Variants in AK9 observed in about 807,000 individuals in gnomAD.
The protein encoded by AK9 is adenylate kinase 9.
In AK9, 191 loss-of-function variants were observed where a neutral mutation model predicts 239.6. The observed-to-expected ratio is 0.80, with a 90% CI of 0.71 to 0.90. The LOEUF (loss-of-function observed/expected upper bound fraction) is 0.90, where lower values mean the gene tolerates loss of function less well. Among genes scored for constraint, AK9 ranks in the 40% least tolerant of loss-of-function variants. AK9 has a pLI of 0.00. For missense variants in AK9, 1,995 were observed against 2,214.7 expected (o/e 0.90, Z 1.99); for synonymous variants, 689 against 721.0 (o/e 0.96, Z 0.71).
intron 17 of AK9, among the ~76,000 whole-genome samples, chr6:109,605,083 A>C (rs1047845943): frequency 6.6e-6 from 1 of 152,134 alleles, no homozygotes; most frequent in Non-Finnish European, 1.5e-5. Context: ...TATTCTAATA[A>C]TTATTCCTGT....
At position 109,667,977 on chromosome 6, in the gene AK9, C is replaced by A. The variant is rs182449874; in HGVS notation, c.331+3942G>T. Among the ~76,000 whole-genome samples, 430 of 152,326 alleles carry A rather than the reference C, an allele frequency of 2.8e-3. 1 individual carries two copies. Among genetic ancestry groups the A allele is most frequent in the African/African-American group, 9.9e-3 (411 of 41,574 alleles). On this transcript the variant is annotated intron_variant, in intron 5 of 40. Transcript: ENST00000424296. ...GTTCTAGATCCCTGAGGAATCGCCA[C>A]AGTCTTCCACAATGGTTGAACTAGT...
At position 109,493,246 on chromosome 6, in the gene AK9, TGGTACCTTGCTCAG is replaced by T; in HGVS notation, c.*109_*122del. ...GAGTTCACCTGAAGTCTGGCAGCCATGGTACCTTGCTCAGGAGGCAAAAGTACTTCCAAGAGGCC... is the reference window on the plus strand; with the variant it reads ...GAGTTCACCTGAAGTCTGGCAGCCATGAGGCAAAAGTACTTCCAAGAGGCC... On this transcript the variant is annotated 3_prime_UTR_variant, in exon 41 of 41. Transcript: ENST00000424296. 1.0e-6 allele frequency: 1 copy of T among 971,766 alleles called. No homozygotes were observed. The highest frequency in any genetic ancestry group is 1.6e-5 in the South Asian group (1 of 62,180). The allele number at this position is 971,766 out of a possible 1,614,324, so 60.2% of individuals were successfully genotyped here. A position where few individuals can be genotyped will look rare whatever the true frequency, so the allele number is the denominator to read the frequency against.
chr6:109,619,117 GAGA>G lies in AK9; in HGVS notation c.1371_1373del (p.Leu458del), dbSNP rs1420872623. 1.9e-5 allele frequency: 30 copies of G among 1,544,460 alleles called. No individual in the cohort carries two copies. The highest frequency in any genetic ancestry group is 2.5e-5 in the Non-Finnish European group (29 of 1,144,464). ...CTTGTTTTCTAGCTTGCAGTTCCCT[GAGA>G]AGCTTTTCTTTCACAACTTTAATTG... On this transcript the variant is annotated inframe_deletion, in exon 13 of 41. Coordinates refer to ENST00000424296, the MANE Select transcript of AK9 (RefSeq NM_001145128.3).
At chr6:109,520,709 T>C (rs1247476117) in intron 29 of AK9, among the ~76,000 whole-genome samples, 1 of 152,182 alleles carries the variant, frequency 6.6e-6, no homozygotes. Context: ...ATGGCCATTT[T>C]AACAATACTG....
In AK9 at chr6:109,509,344, T is replaced by C. The variant is rs183899474; in HGVS notation, c.4316A>G (p.His1439Arg). The C allele has an allele frequency of 3.9e-6, 6 of 1,551,636 alleles. No individual in the cohort carries two copies. Among genetic ancestry groups the C allele is most frequent in the Middle Eastern group, 3.3e-4 (2 of 5,990 alleles). The change falls in exon 33 of 41, where the codon CAT becomes CGT. Residue 1439 changes from histidine (H) to arginine (R), a missense_variant. Transcript: ENST00000424296. ...ACGCAAAGCTCCTCCTATTGATAAA[T>C]GCTTTAACCCATATTCACTTGTAAT... The part of the protein sequence containing the change: ...KKITSEYGLK[H>R]LSIGGALRYV...
At chr6:109,593,757 C>A (rs1269775709) in intron 17 of AK9, among the ~76,000 whole-genome samples, 1 of 152,138 alleles carries the variant, frequency 6.6e-6, no homozygotes, top group Non-Finnish European at 1.5e-5. Context: ...GAACCAATGA[C>A]AAAAACCACA....
chr6:109,583,276 C>T (rs2128209784), intron 19 of AK9, among the ~76,000 whole-genome samples: 1 of 152,210 alleles, frequency 6.6e-6, no homozygotes, highest in Middle Eastern at 3.4e-3. Flanking sequence ...AATTTTGCTG[C>T]CAGTTCTTAG....
chr6:109,579,313 T>C, intron 20 of AK9: 1 of 426,870 alleles, frequency 2.3e-6, no homozygotes, highest in South Asian at 4.1e-5. Flanking sequence ...GGTATCTCTG[T>C]CAAGAGTCAT....
chr6:109,506,833 A>C, intron 33 of AK9, 33 bp from the exon 34 acceptor site: 3 of 1,459,454 alleles, frequency 2.1e-6, no homozygotes, highest in Non-Finnish European at 2.7e-6. Flanking sequence ...TAAAAATTCC[A>C]CATTTCTTTT....
At chr6:109,532,793 C>G (rs1256323948) in intron 28 of AK9, among the ~76,000 whole-genome samples, 1 of 149,226 alleles carries the variant, frequency 6.7e-6, no homozygotes, top group African/African-American at 2.4e-5. Flanking sequence ...TTCCCTGTGA[C>G]ACTTTTGAAC....
intron 24 of AK9, among the ~76,000 whole-genome samples, chr6:109,557,602 T>C: frequency 6.6e-6 from 1 of 152,172 alleles, no homozygotes; most frequent in East Asian, 1.9e-4. Context: ...AGAGGCTAAG[T>C]CTGCTGGTTT....
chr6:109,549,664 C>CTTTTTTTTTTTTTTTTTTTTTTTT lies in AK9; in HGVS notation c.2964+425_2964+426insAAAAAAAAAAAAAAAAAAAAAAAA, dbSNP rs1196364045. The CTTTTTTTTTTTTTTTTTTTTTTTT allele has an allele frequency of 8.2e-5, 10 of 122,088 alleles. 1 individual carries two copies. In the East Asian group the frequency reaches 1.1e-3, roughly 14 times the overall value. 7.6% of individuals were successfully genotyped at this position (122,088 alleles called of 1,614,324 possible). ...GTTGTTCTTTGAACTTAGATATTTT[C>CTTTTTTTTTTTTTTTTTTTTTTTT]TTTTTTTTTTTTTTTTTTTGAGACG... On this transcript the variant is annotated intron_variant, in intron 25 of 40. Transcript: ENST00000424296.
chr6:109,540,952 T>C (rs1209359642), intron 27 of AK9, among the ~76,000 whole-genome samples: 1 of 152,178 alleles, frequency 6.6e-6, no homozygotes, highest in African/African-American at 2.4e-5. Flanking sequence ...AATCATACTG[T>C]TAGCCTTCCA....
chr6:109,578,360 CA>C (rs1470848731), intron 20 of AK9, among the ~76,000 whole-genome samples: 1 of 152,178 alleles, frequency 6.6e-6, no homozygotes, highest in Non-Finnish European at 1.5e-5. Flanking sequence ...TAAGCCACCA[CA>C]CCTGGCCTCC....
At chr6:109,614,885 T>A (rs1218138281) in intron 13 of AK9, among the ~76,000 whole-genome samples, 1 of 152,196 alleles carries the variant, frequency 6.6e-6, no homozygotes, top group African/African-American at 2.4e-5. Context: ...AAATTCCAAT[T>A]TAAAATTTTA....
chr6:109,539,001 T>G (rs1313510149), intron 27 of AK9, among the ~76,000 whole-genome samples: 1 of 152,234 alleles, frequency 6.6e-6, no homozygotes, highest in African/African-American at 2.4e-5. Context: ...CTTCCCTTTT[T>G]GGTTAACCCG....
chr6:109,494,335 G>T, intron 39 of AK9: 1 of 395,340 alleles, frequency 2.5e-6, no homozygotes, highest in Non-Finnish European at 4.6e-6. Context: ...ATGGATAGGA[G>T]TATGGGCTTC....
intron 8 of AK9, among the ~76,000 whole-genome samples, chr6:109,645,874 C>T (rs537463571): frequency 1.3e-5 from 2 of 152,344 alleles, no homozygotes; most frequent in African/African-American, 4.8e-5. Flanking sequence ...AAGGATCAGG[C>T]AGCAACATTT....
At chr6:109,637,557 C>T (rs1231015729) in intron 10 of AK9, among the ~76,000 whole-genome samples, 2 of 152,094 alleles carry the variant, frequency 1.3e-5, no homozygotes, top group Non-Finnish European at 2.9e-5. Flanking sequence ...TTTGTAGTCT[C>T]TGCCTTTGAT....
Sources: allele counts gnomAD v4.1 joint callset (sites outside exome capture counted in the v4.1 genomes callset), GRCh38; gene constraint gnomAD v4.1.1; transcripts MANE v1.5; gene names NCBI Gene and HGNC (gene_info 2026-07-23, HGNC 2026-07-21).